Variants in ZNF644 observed in about 807,000 individuals in gnomAD.
ZNF644 encodes zinc finger motif enhancer binding protein 2.
Under a neutral mutation model 108.0 loss-of-function variants are expected in ZNF644, and 20 were observed. The observed-to-expected ratio is 0.19, with a 90% CI of 0.13 to 0.27. The LOEUF (loss-of-function observed/expected upper bound fraction) is 0.27, where lower values mean the gene tolerates loss of function less well. ZNF644 is among the 10% of genes least tolerant of loss of function. The pLI, the probability that ZNF644 is intolerant of heterozygous loss-of-function variation, is 1.00. For synonymous variants in ZNF644, 542 were observed against 539.1 expected (o/e 1.01, Z -0.08); for missense variants, 1,338 against 1,548.9 (o/e 0.86, Z 2.29).
At chr1:90,984,001 G>C (rs1656838175) in intron 1 of ZNF644, among the ~76,000 whole-genome samples, 1 of 152,106 alleles carries the variant, frequency 6.6e-6, no homozygotes, top group South Asian at 2.1e-4. Context: ...GAAGGACATG[G>C]GCCATAGCCA....
intron 4 of ZNF644, among the ~76,000 whole-genome samples, chr1:90,929,110 TTTTA>T (rs908332000): frequency 6.6e-6 from 1 of 152,180 alleles, no homozygotes; most frequent in Non-Finnish European, 1.5e-5. Flanking sequence ...CATGAACTAC[TTTTA>T]TTTATTTATT....
Position 90,938,088 on chromosome 1 carries a change from T to C in ZNF644, c.3085A>G (p.Ile1029Val), listed in dbSNP as rs766159938. Residue 1029 changes from isoleucine (I) to valine (V), a missense_variant and splice_region_variant, in exon 4 of 6, where the codon ATA (isoleucine) becomes GTA (valine). By Grantham distance (29) the Ile-to-Val change is conservative. This residue lies in a region of ZNF644 where 287 missense variants were observed against 310.9 expected (regional missense o/e 0.92). Transcript: ENST00000337393. The surrounding 1 kb of genome is among the most constrained non-coding windows in gnomAD (Gnocchi z 4.2). ...TCAGAAGTGGTTTCAGACTTCTCTATAGCTAGAAAAAAATTTTTAAGAGTA... is the reference window on the plus strand; with the variant it reads ...TCAGAAGTGGTTTCAGACTTCTCTACAGCTAGAAAAAAATTTTTAAGAGTA... The part of the protein sequence containing the change: ...GTPVKRVRKA[I>V]EKSETTSEHT... 6.2e-7 allele frequency: 1 copy of C among 1,610,870 alleles called. No individual in the cohort carries two copies.
At chr1:90,980,438 C>A (rs144926206) in intron 2 of ZNF644, among the ~76,000 whole-genome samples, 4 of 152,160 alleles carry the variant, frequency 2.6e-5, no homozygotes, top group Middle Eastern at 3.4e-3. Context: ...TAACTGCATG[C>A]CGTGTTATAA....
intron 1 of ZNF644, among the ~76,000 whole-genome samples, chr1:90,983,692 C>T (rs1455928035): frequency 2.6e-5 from 4 of 152,022 alleles, no homozygotes; most frequent in East Asian, 1.9e-4. Context: ...TTTGGGAGGC[C>T]AAGGTGGGCA....
intron 2 of ZNF644, among the ~76,000 whole-genome samples, chr1:90,981,717 A>G (rs1231206760): frequency 2.0e-5 from 3 of 152,086 alleles, no homozygotes; most frequent in Non-Finnish European, 4.4e-5. Context: ...CAATTTTTTA[A>G]AAGTGAACAG....
At chr1:91,000,813 G>C (rs1337632758) in intron 1 of ZNF644, among the ~76,000 whole-genome samples, 1 of 151,922 alleles carries the variant, frequency 6.6e-6, no homozygotes, top group East Asian at 1.9e-4. Flanking sequence ...AGAAAAGAGA[G>C]AAGAATCAAA....
At chr1:90,937,098 T>C (rs1307787466) in intron 4 of ZNF644, among the ~76,000 whole-genome samples, 1 of 152,162 alleles carries the variant, frequency 6.6e-6, no homozygotes, top group East Asian at 1.9e-4. Context: ...GGCAAAAATA[T>C]GACAGAGGTA....
At chr1:90,945,326 CT>C (rs36066809) in intron 2 of ZNF644, among the ~76,000 whole-genome samples, 1 of 151,878 alleles carries the variant, frequency 6.6e-6, no homozygotes, top group South Asian at 2.1e-4. Flanking sequence ...ATTCACACAC[CT>C]TTTTAAAAAG....
In ZNF644 at chr1:90,916,449, C is replaced by A; in HGVS notation, c.*349G>T. On this transcript the variant is annotated 3_prime_UTR_variant, in exon 6 of 6. Coordinates refer to ENST00000337393, the MANE Select transcript of ZNF644 (RefSeq NM_201269.3). ...CAAGTCTTGTGGGGAATAAACAGAGCCTTGATTCTGGTAACACTGCAAAAA... is the reference window on the plus strand; with the variant it reads ...CAAGTCTTGTGGGGAATAAACAGAGACTTGATTCTGGTAACACTGCAAAAA... 4.4e-6 allele frequency: 1 copy of A among 226,134 alleles called. No individual in the cohort carries two copies. Among genetic ancestry groups the A allele is most frequent in the Non-Finnish European group, 8.8e-6 (1 of 113,624 alleles). 14.0% of individuals were successfully genotyped at this position (226,134 alleles called of 1,614,324 possible). A position where few individuals can be genotyped will look rare whatever the true frequency, so the allele number is the denominator to read the frequency against.
intron 5 of ZNF644, 87 bp downstream of exon 5, chr1:90,917,965 C>G (rs748388683): frequency 1.5e-4 from 176 of 1,167,370 alleles, no homozygotes; most frequent in Non-Finnish European, 1.9e-4. Flanking sequence ...CACTCTGCCA[C>G]AAATTAAAAA....
At chr1:91,003,097 T>A in intron 1 of ZNF644, among the ~76,000 whole-genome samples, 1 of 152,208 alleles carries the variant, frequency 6.6e-6, no homozygotes, top group Non-Finnish European at 1.5e-5. Flanking sequence ...TGTAAACTAC[T>A]TCAACCATTG....
chr1:90,942,202 G>T (rs1051566141), intron 2 of ZNF644, among the ~76,000 whole-genome samples: 3 of 152,096 alleles, frequency 2.0e-5, no homozygotes, highest in African/African-American at 7.2e-5. Flanking sequence ...TTTTACAATA[G>T]AATAGCATAA....
At chr1:90,996,637 T>C (rs1027634604) in intron 1 of ZNF644, among the ~76,000 whole-genome samples, 4 of 152,110 alleles carry the variant, frequency 2.6e-5, no homozygotes, top group Non-Finnish European at 5.9e-5. Context: ...GTTTAAAAAT[T>C]AGGCATGTTG....
chr1:91,012,107 G>T (rs952387585), intron 1 of ZNF644, among the ~76,000 whole-genome samples: 8 of 151,918 alleles, frequency 5.3e-5, no homozygotes, highest in Admixed American at 5.2e-4. Context: ...TTTTGTCACT[G>T]GGGGGAAAAA....
intron 4 of ZNF644, among the ~76,000 whole-genome samples, chr1:90,921,771 A>C (rs918763585): frequency 6.6e-6 from 1 of 152,244 alleles, no homozygotes; most frequent in Admixed American, 6.6e-5. Context: ...CCTTTCAGTA[A>C]GATATTTGTC....
rs1658377081 is a variant in ZNF644 at position 90,998,233 on chromosome 1, T to C, written c.-17-15863A>G. Among the ~76,000 whole-genome samples, 4 of 152,272 alleles carry C rather than the reference T, an allele frequency of 2.6e-5. No homozygotes were observed. In the South Asian group the frequency reaches 8.3e-4, roughly 32 times the overall value. ...CAGGACGGAGTCTGAGATCTGAGAA[T>C]GGAGAGACTGCCTCCTCAAGTGGGT... On this transcript the variant is annotated intron_variant, in intron 1 of 5. Coordinates refer to ENST00000337393, the MANE Select transcript of ZNF644 (RefSeq NM_201269.3).
At chr1:90,969,105 T>G (rs2101248332) in intron 2 of ZNF644, among the ~76,000 whole-genome samples, 1 of 152,316 alleles carries the variant, frequency 6.6e-6, no homozygotes, top group African/African-American at 2.4e-5. Flanking sequence ...TTGAATTGTG[T>G]TCCCCCCAAA....
At chr1:90,958,069 T>C (rs1653927206) in intron 2 of ZNF644, among the ~76,000 whole-genome samples, 1 of 151,242 alleles carries the variant, frequency 6.6e-6, no homozygotes, top group Non-Finnish European at 1.5e-5. Context: ...TGTAACCTCA[T>C]GACCAGCCTG....
At chr1:90,983,481 CAAAAAAAAAA>C (rs768476839) in intron 1 of ZNF644, among the ~76,000 whole-genome samples, 5 of 63,426 alleles carry the variant, frequency 7.9e-5, no homozygotes, top group African/African-American at 1.1e-4. Context: ...CCTCATATGG[CAAAAAAAAAA>C]AAAAAAAAAA....
Sources: gnomAD v4.1 joint callset for allele counts (sites outside exome capture counted in the v4.1 genomes callset) on GRCh38, gnomAD v4.1.1 for gene constraint, gnomAD v4.1.1 regional missense constraint, Gnocchi (gnomAD v3.1) non-coding constraint, MANE v1.5 for transcripts, NCBI Gene and HGNC (gene_info 2026-07-23, HGNC 2026-07-21) for gene names.